GDPD5: variants seen among roughly 807,000 people sequenced by gnomAD.
GDPD5 encodes glycerophosphodiester phosphodiesterase 2.
Under a neutral mutation model 75.1 loss-of-function variants are expected in GDPD5, and 48 were observed. The ratio of observed to expected loss-of-function variants is 0.64; its 90% CI spans 0.51 to 0.81. GDPD5 has a LOEUF of 0.81. GDPD5 is among the 40% of genes least tolerant of loss of function. The pLI is 0.00. For synonymous variants in GDPD5, 336 were observed against 339.0 expected (o/e 0.99, Z 0.10); for missense variants, 706 against 822.6 (o/e 0.86, Z 1.73).
intron 10 of GDPD5, 116 bp from the exon 11 acceptor site, chr11:75,443,402 C>A: frequency 8.0e-7 from 1 of 1,257,452 alleles, no homozygotes; most frequent in Non-Finnish European, 1.1e-6. Context: ...GCTGGCTCTG[C>A]CCCTCTCTGG....
In GDPD5 at chr11:75,442,424, C is replaced by A. The variant is rs146651187; in HGVS notation, c.1106G>T (p.Arg369Leu). ...CAGAGTCACGTTGATAAAACTGCTGCGGTAGGGGTGCTCCCGGGGCGGGTC... is the reference window on the plus strand; with the variant it reads ...CAGAGTCACGTTGATAAAACTGCTGAGGTAGGGGTGCTCCCGGGGCGGGTC... ...LRDPPREHPY[R>L]SSFINVTLEA... Residue 369 changes from arginine (R) to leucine (L), a missense_variant, in exon 12 of 17, where the codon CGC becomes CTC. Physicochemically the swap from Arg to Leu is moderately radical, Grantham distance 102 (BLOSUM62 -2). Coordinates refer to ENST00000336898, the MANE Select transcript of GDPD5 (RefSeq NM_030792.8). The A allele has an allele frequency of 6.2e-7, 1 of 1,606,800 alleles. No homozygotes were observed. The highest frequency in any genetic ancestry group is 8.5e-7 in the Non-Finnish European group (1 of 1,176,830).
chr11:75,507,325 T>G (rs1216126832), intron 1 of GDPD5, among the ~76,000 whole-genome samples: 3 of 152,200 alleles, frequency 2.0e-5, no homozygotes, highest in Non-Finnish European at 4.4e-5. Flanking sequence ...CAGAGATCAC[T>G]GCTCCCCTCA....
chr11:75,524,555 C>G (rs1477857081), intron 1 of GDPD5, among the ~76,000 whole-genome samples: 1 of 152,198 alleles, frequency 6.6e-6, no homozygotes, highest in Non-Finnish European at 1.5e-5. Flanking sequence ...CCAGCCACCC[C>G]AGAGGGGCTA....
chr11:75,504,928 C>T (rs1382381835), intron 1 of GDPD5, among the ~76,000 whole-genome samples: 1 of 152,092 alleles, frequency 6.6e-6, no homozygotes, highest in African/African-American at 2.4e-5. Context: ...GAGTTCGAGA[C>T]CAGCCCGACC....
At chr11:75,442,697 G>A in intron 11 of GDPD5, 116 bp from the exon 12 acceptor site, 1 of 881,974 alleles carries the variant, frequency 1.1e-6, no homozygotes, top group Non-Finnish European at 1.7e-6. Flanking sequence ...GCTGGGGTCA[G>A]GCAGATTGAT....
chr11:75,497,430 T>C (rs1460487345), intron 1 of GDPD5, among the ~76,000 whole-genome samples: 1 of 152,102 alleles, frequency 6.6e-6, no homozygotes, highest in Non-Finnish European at 1.5e-5. Context: ...TGAACAAACT[T>C]GTTTTCCTGA....
Position 75,435,479 on chromosome 11 carries a change from G to T in GDPD5, c.*28C>A. ...CCTAGGCTCCCCAGCTTCTGTGTCA[G>T]GTACAGGTGGGACAGACATGTCTTC... On this transcript the variant is annotated 3_prime_UTR_variant, in exon 17 of 17. Coordinates refer to ENST00000336898, the MANE Select transcript of GDPD5 (RefSeq NM_030792.8). The T allele has an allele frequency of 6.5e-7, 1 of 1,548,574 alleles. No individual in the cohort carries two copies. Among genetic ancestry groups the T allele is most frequent in the Non-Finnish European group, 8.7e-7 (1 of 1,145,750 alleles).
At chr11:75,450,035 C>T in intron 6 of GDPD5, 52 bp from the exon 7 acceptor site, 1 of 1,490,514 alleles carries the variant, frequency 6.7e-7, no homozygotes, top group Non-Finnish European at 9.3e-7. Context: ...GGGAGGGTTC[C>T]CAGTGTGTCT....
At chr11:75,483,048 C>T (rs970968896) in intron 2 of GDPD5, among the ~76,000 whole-genome samples, 2 of 152,166 alleles carry the variant, frequency 1.3e-5, no homozygotes, top group Admixed American at 6.5e-5. Context: ...CTCTCTCCAC[C>T]ATCCCTCACC....
chr11:75,518,198 G>A (rs566450437), intron 1 of GDPD5, among the ~76,000 whole-genome samples: 1 of 152,310 alleles, frequency 6.6e-6, no homozygotes, highest in South Asian at 2.1e-4. Context: ...CAGAGAGATC[G>A]TTATTGTCAT....
rs72989905 is a variant in GDPD5, at chr11:75,495,860, G to A, written c.-144-5540C>T. On this transcript the variant is annotated intron_variant, in intron 1 of 16. Transcript: ENST00000336898. ...TGTGGGGCCTAGACCCCCTGTGCTG[G>A]TGACTTCACATCTGTGAGCAACTGC... is the stretch of plus-strand genomic sequence containing the variant. Among the ~76,000 whole-genome samples the A allele has an allele frequency of 2.5e-3, 379 of 152,318 alleles. 2 individuals are homozygous for A. The highest frequency in any genetic ancestry group is 4.3e-3 in the Non-Finnish European group (292 of 68,032).
chr11:75,456,631 G>GC (rs1949290968), intron 6 of GDPD5, 126 bp downstream of exon 6: 1 of 878,898 alleles, frequency 1.1e-6, no homozygotes, highest in African/African-American at 1.6e-5. Context: ...TGAGTGCTCA[G>GC]CCTTAGCTAT....
At chr11:75,500,836 C>T (rs2135451545) in intron 1 of GDPD5, among the ~76,000 whole-genome samples, 1 of 152,298 alleles carries the variant, frequency 6.6e-6, no homozygotes, top group African/African-American at 2.4e-5. Flanking sequence ...CCATCTGACG[C>T]CAAGCCCAGC....
intron 14 of GDPD5, among the ~76,000 whole-genome samples, chr11:75,440,207 C>T (rs1408785021): frequency 6.6e-6 from 1 of 152,130 alleles, no homozygotes; most frequent in Non-Finnish European, 1.5e-5. Context: ...CTGTATGGTG[C>T]TCAGGGCAGA....
chr11:75,494,753 A>G (rs1238600555), intron 1 of GDPD5, among the ~76,000 whole-genome samples: 3 of 150,670 alleles, frequency 2.0e-5, no homozygotes, highest in African/African-American at 7.3e-5. Flanking sequence ...GGAGTTCGAG[A>G]CCAGCCTGGC....
intron 1 of GDPD5, among the ~76,000 whole-genome samples, chr11:75,500,986 C>A (rs1212569576): frequency 6.6e-6 from 1 of 152,238 alleles, no homozygotes; most frequent in African/African-American, 2.4e-5. Context: ...GTACAGCCAT[C>A]CATTCAGCAG....
At chr11:75,508,549 C>T (rs1458984876) in intron 1 of GDPD5, among the ~76,000 whole-genome samples, 1 of 152,194 alleles carries the variant, frequency 6.6e-6, no homozygotes, top group Non-Finnish European at 1.5e-5. Context: ...TGTGTTCCTG[C>T]TTGGTCTTTT....
intron 11 of GDPD5, 102 bp from the exon 12 acceptor site, chr11:75,442,683 G>T: frequency 1.0e-6 from 1 of 997,210 alleles, no homozygotes; most frequent in Non-Finnish European, 1.5e-6. Flanking sequence ...GGCTGCCAGA[G>T]TCTGCTGGGG....
chr11:75,516,166 A>ACC (rs1363112523), intron 1 of GDPD5: 10 of 152,512 alleles, frequency 6.6e-5, no homozygotes, highest in Admixed American at 3.9e-4. Flanking sequence ...TAAATGGGGG[A>ACC]CTGAAGGAAA....
Sources: allele counts gnomAD v4.1 joint callset (sites outside exome capture counted in the v4.1 genomes callset), GRCh38; gene constraint gnomAD v4.1.1; transcripts MANE v1.5; gene names NCBI Gene and HGNC (gene_info 2026-07-23, HGNC 2026-07-21).